The following KGD4 variants were observed in gnomAD, a reference collection of about 807,000 sequenced individuals.
KGD4 encodes the protein alpha-ketoglutarate dehydrogenase component 4.
At chr5:69,218,117 T>C in the KGD4 span, 1 of 579,030 alleles carries the variant, frequency 1.7e-6, no homozygotes, top group East Asian at 3.1e-5. Context: ...GGCAGGTAGG[T>C]CCTGTACCTA....
chr5:69,228,844 G>A, the KGD4 span, among the ~76,000 whole-genome samples: 17 of 151,900 alleles, frequency 1.1e-4, no homozygotes, highest in Non-Finnish European at 1.6e-4. Flanking sequence ...GTGAAACCTC[G>A]TCTCTACTGA....
the KGD4 span, among the ~76,000 whole-genome samples, chr5:69,223,226 G>GT: frequency 6.6e-6 from 1 of 150,994 alleles, no homozygotes; most frequent in African/African-American, 2.4e-5. Flanking sequence ...CTACAGGTGT[G>GT]TGCCACCACG....
At chr5:69,217,899 C>T in the KGD4 span, 2 of 1,614,068 alleles carry the variant, frequency 1.2e-6, no homozygotes, top group Non-Finnish European at 1.7e-6. Flanking sequence ...GTTTCCGCAT[C>T]TTGGGCGGTA....
chr5:69,228,352 A>C, the KGD4 span: 1 of 1,601,268 alleles, frequency 6.2e-7, no homozygotes, highest in Non-Finnish European at 8.5e-7. Flanking sequence ...ATACAGAAGG[A>C]AACTTGTGTC....
At chr5:69,219,814 G>T in the KGD4 span, among the ~76,000 whole-genome samples, 4 of 152,154 alleles carry the variant, frequency 2.6e-5, no homozygotes, top group African/African-American at 7.2e-5. Context: ...AACAGAGCAA[G>T]ACCTGGTCTC....
At chr5:69,227,272 A>C in the KGD4 span, among the ~76,000 whole-genome samples, 1 of 152,138 alleles carries the variant, frequency 6.6e-6, no homozygotes, top group Non-Finnish European at 1.5e-5. Flanking sequence ...ATTCTCTCCT[A>C]TCCTTTAGAA....
the KGD4 span, chr5:69,226,481 T>C: frequency 7.2e-6 from 7 of 974,692 alleles, no homozygotes; most frequent in Non-Finnish European, 7.8e-6. Context: ...ATAGGCAATA[T>C]TTCTCATTTT....
the KGD4 span, among the ~76,000 whole-genome samples, chr5:69,219,893 G>A: frequency 6.6e-6 from 1 of 152,054 alleles, no homozygotes; most frequent in African/African-American, 2.4e-5. Flanking sequence ...AAAATTTGTT[G>A]AGTATCTCTG....
the KGD4 span, chr5:69,217,876 AGCAATTTGTC>A: frequency 6.2e-7 from 1 of 1,613,994 alleles, no homozygotes; most frequent in African/African-American, 1.3e-5. Context: ...GTTCAGGTAA[AGCAATTTGTC>A]GCGTTTCCGC....
At chr5:69,226,594 C>A in the KGD4 span, among the ~76,000 whole-genome samples, 1 of 152,174 alleles carries the variant, frequency 6.6e-6, no homozygotes, top group East Asian at 1.9e-4. Context: ...CGCCTGTCAT[C>A]CCAGCACTTT....
chr5:69,220,544 G>A, the KGD4 span, among the ~76,000 whole-genome samples: 25 of 151,420 alleles, frequency 1.7e-4, no homozygotes, highest in Admixed American at 2.6e-4. Flanking sequence ...GCCTCTGCCC[G>A]GCCGCCCCGT....
the KGD4 span, among the ~76,000 whole-genome samples, chr5:69,220,483 C>T: frequency 6.6e-6 from 1 of 152,114 alleles, no homozygotes; most frequent in Non-Finnish European, 1.5e-5. Flanking sequence ...AGCAAGACCC[C>T]ATCTCTATAA....
the KGD4 span, among the ~76,000 whole-genome samples, chr5:69,223,917 C>T: frequency 6.6e-6 from 1 of 151,348 alleles, no homozygotes; most frequent in Non-Finnish European, 1.5e-5. Context: ...CCTGTAATCC[C>T]AGCTACTTGG....
At chr5:69,221,077 C>T in the KGD4 span, among the ~76,000 whole-genome samples, 77 of 152,172 alleles carry the variant, frequency 5.1e-4, no homozygotes, top group African/African-American at 1.4e-3. Flanking sequence ...CCTAGGAAAA[C>T]CAGAGACCTT....
the KGD4 span, among the ~76,000 whole-genome samples, chr5:69,225,469 G>A: frequency 5.3e-5 from 8 of 151,312 alleles, no homozygotes; most frequent in East Asian, 1.6e-3. Context: ...GTTTCACCCT[G>A]TTGGTCAGGC....
At chr5:69,226,457 A>G in the KGD4 span, 8 of 1,209,998 alleles carry the variant, frequency 6.6e-6, no homozygotes, top group Non-Finnish European at 9.5e-6. Flanking sequence ...ATATTTATAA[A>G]TGAGTATTTT....
the KGD4 span, chr5:69,228,076 CAA>C: frequency 1.4e-6 from 1 of 732,764 alleles, no homozygotes; most frequent in South Asian, 2.6e-5. Context: ...TATAATACTT[CAA>C]GAGTTATTTG....
At chr5:69,230,123 TCA>T in the KGD4 span, 1 of 152,024 alleles carries the variant, frequency 6.6e-6, no homozygotes, top group Admixed American at 6.6e-5. Flanking sequence ...AAGTAAAGCC[TCA>T]CAAAGCTAAA....
the KGD4 span, among the ~76,000 whole-genome samples, chr5:69,229,021 CAAAAAAAAAAAAA>C: frequency 5.9e-5 from 3 of 50,486 alleles, no homozygotes; most frequent in Non-Finnish European, 9.9e-5. Flanking sequence ...AACTCCATCT[CAAAAAAAAAAAAA>C]AAAAAAAAAA....
Sources: gnomAD v4.1 joint callset for allele counts (sites outside exome capture counted in the v4.1 genomes callset) on GRCh38, gnomAD v4.1.1 for gene constraint, MANE v1.5 for transcripts, NCBI Gene and HGNC (gene_info 2026-07-23, HGNC 2026-07-21) for gene names.